The following GRIN2B variants were observed in gnomAD, a reference collection of about 807,000 sequenced individuals.
GRIN2B encodes the protein glutamate receptor ionotropic, NMDA 2B.
In GRIN2B, 5 loss-of-function variants were observed where a neutral mutation model predicts 114.5. The ratio of observed to expected loss-of-function variants is 0.04; its 90% CI spans 0.02 to 0.09. The LOEUF is 0.09. Among genes scored for constraint, GRIN2B ranks in the 10% least tolerant of loss-of-function variants. The pLI is 1.00. For missense variants in GRIN2B, 1,108 were observed against 1,943.5 expected (o/e 0.57, Z 8.08); for synonymous variants, 787 against 745.1 (o/e 1.06, Z -0.92).
intron 4 of GRIN2B, among the ~76,000 whole-genome samples, chr12:13,746,496 T>C (rs1229883902): frequency 1.3e-5 from 2 of 152,154 alleles, no homozygotes; most frequent in Admixed American, 6.5e-5. Flanking sequence ...TCCGTCTGTA[T>C]CTTCTTCCCC....
At chr12:13,784,223 CAAAAAAAAAAAAAAAAAAAAA>C (rs56197649) in intron 3 of GRIN2B, among the ~76,000 whole-genome samples, 3 of 71,910 alleles carry the variant, frequency 4.2e-5, no homozygotes, top group Non-Finnish European at 2.4e-5. Flanking sequence ...GACTTCGCCT[CAAAAAAAAAAAAAAAAAAAAA>C]AAAAAAAAAA....
intron 2 of GRIN2B, among the ~76,000 whole-genome samples, chr12:13,886,214 C>T (rs1386043103): frequency 1.3e-5 from 2 of 152,116 alleles, no homozygotes; most frequent in East Asian, 1.9e-4. Context: ...TAATATTTAC[C>T]GGTGTATGTA....
chr12:13,911,292 C>T (rs1866623809), intron 2 of GRIN2B, among the ~76,000 whole-genome samples: 1 of 152,086 alleles, frequency 6.6e-6, no homozygotes, highest in Non-Finnish European at 1.5e-5. Context: ...GTGCTTCAGC[C>T]AGAGGGGACT....
intron 2 of GRIN2B, among the ~76,000 whole-genome samples, chr12:13,936,070 T>A (rs536807727): frequency 1.1e-4 from 17 of 152,244 alleles, no homozygotes; most frequent in Admixed American, 5.9e-4. Context: ...GGGTGGATTA[T>A]TAGAGACACA....
intron 5 of GRIN2B, among the ~76,000 whole-genome samples, chr12:13,674,331 G>A (rs1340340292): frequency 6.6e-6 from 1 of 152,108 alleles, no homozygotes; most frequent in Non-Finnish European, 1.5e-5. Flanking sequence ...CTGCACTCTA[G>A]TCTGAGTGAC....
At chr12:13,805,639 GTGTACTACATGA>G (rs777970791) in intron 3 of GRIN2B, among the ~76,000 whole-genome samples, 27 of 152,156 alleles carry the variant, frequency 1.8e-4, no homozygotes, top group Non-Finnish European at 3.4e-4. Context: ...TGTATTTATA[GTGTACTACATGA>G]TGTTTTGATA....
intron 5 of GRIN2B, among the ~76,000 whole-genome samples, chr12:13,646,107 G>A (rs186459168): frequency 1.8e-4 from 28 of 152,250 alleles, no homozygotes; most frequent in African/African-American, 6.0e-4. Context: ...GAACAAAAAC[G>A]AAGAGCTGGA....
intron 2 of GRIN2B, among the ~76,000 whole-genome samples, chr12:13,868,994 A>G (rs1865866540): frequency 2.0e-5 from 3 of 152,204 alleles, no homozygotes; most frequent in South Asian, 2.1e-4. Flanking sequence ...CACAGAGACC[A>G]TAAGTCTTGA....
intron 3 of GRIN2B, among the ~76,000 whole-genome samples, chr12:13,755,415 C>A (rs549284196): frequency 1.3e-5 from 2 of 152,234 alleles, no homozygotes; most frequent in African/African-American, 4.8e-5. Flanking sequence ...ACAGGCTACC[C>A]AGAATGAAAC....
intron 2 of GRIN2B, among the ~76,000 whole-genome samples, chr12:13,883,379 C>T (rs1227405978): frequency 6.6e-6 from 1 of 152,158 alleles, no homozygotes; most frequent in Non-Finnish European, 1.5e-5. Flanking sequence ...AGCAGTTTCT[C>T]CACATTCTTA....
chr12:13,906,399 T>C (rs1866535135), intron 2 of GRIN2B, among the ~76,000 whole-genome samples: 1 of 152,206 alleles, frequency 6.6e-6, no homozygotes, highest in African/African-American at 2.4e-5. Context: ...TCTCATATCC[T>C]TATTTTACAG....
At chr12:13,846,424 G>A (rs1865474091) in intron 3 of GRIN2B, among the ~76,000 whole-genome samples, 1 of 152,072 alleles carries the variant, frequency 6.6e-6, no homozygotes, top group Admixed American at 6.5e-5. Flanking sequence ...AATCCTAGTT[G>A]TGAATAATTG....
In GRIN2B at chr12:13,648,813, A is replaced by G. The variant is rs1949787647; in HGVS notation, c.1125+26932T>C. Among the ~76,000 whole-genome samples the G allele has an allele frequency of 2.6e-5, 4 of 152,096 alleles. 1 individual carries two copies. In the South Asian group the frequency reaches 8.3e-4, roughly 32 times the overall value. ...GGAATACTAAATTACATGCTAAATT[A>G]AATACCTAAGAGGCATAGGAGCTGT... is the stretch of plus-strand genomic sequence containing the variant. On this transcript the variant is annotated intron_variant, in intron 5 of 13. Transcript: ENST00000609686.
rs1323132208 is a variant in GRIN2B at position 13,540,048 on chromosome 12, C to T, written c.*22735G>A. On this transcript the variant is annotated 3_prime_UTR_variant, in exon 14 of 14. Coordinates refer to ENST00000609686, the MANE Select transcript of GRIN2B (RefSeq NM_000834.5). Reference sequence around the variant, plus strand: ...TACATGAGGGGGAGATGAGTGTAACCAAGGGCTCCAGCACCAGCTATAGTA... The same window carrying T: ...TACATGAGGGGGAGATGAGTGTAACTAAGGGCTCCAGCACCAGCTATAGTA... The T allele has an allele frequency of 6.6e-6, 1 of 152,150 alleles. No homozygotes were observed. The highest frequency in any genetic ancestry group is 1.5e-5 in the Non-Finnish European group (1 of 68,036). 9.4% of individuals were successfully genotyped at this position (152,150 alleles called of 1,614,324 possible).
chr12:13,885,724 G>A (rs1423639489), intron 2 of GRIN2B, among the ~76,000 whole-genome samples: 1 of 152,212 alleles, frequency 6.6e-6, no homozygotes, highest in African/African-American at 2.4e-5. Flanking sequence ...GTATTCTGAA[G>A]TTTTAAATAG....
At chr12:13,807,288 T>A (rs1201930928) in intron 3 of GRIN2B, among the ~76,000 whole-genome samples, 2 of 152,158 alleles carry the variant, frequency 1.3e-5, no homozygotes, top group East Asian at 3.9e-4. Context: ...ATTCTCCTGA[T>A]GGAAATATTT....
intron 10 of GRIN2B, among the ~76,000 whole-genome samples, chr12:13,573,670 G>A (rs1244549445): frequency 1.3e-5 from 2 of 152,212 alleles, no homozygotes; most frequent in Non-Finnish European, 1.5e-5. Flanking sequence ...TCAAGTAATA[G>A]TACCATTTAC....
chr12:13,725,985 C>T (rs1230923639), intron 4 of GRIN2B, among the ~76,000 whole-genome samples: 7 of 152,262 alleles, frequency 4.6e-5, no homozygotes, highest in Non-Finnish European at 1.0e-4. Context: ...CAGAGCATTA[C>T]ATCACTTCCC....
intron 4 of GRIN2B, among the ~76,000 whole-genome samples, chr12:13,748,958 C>T (rs1863434455): frequency 6.6e-6 from 1 of 152,156 alleles, no homozygotes; most frequent in Admixed American, 6.5e-5. Flanking sequence ...TTTAACTTGG[C>T]TTAAGTATTT....
Sources: gnomAD v4.1 joint callset for allele counts (sites outside exome capture counted in the v4.1 genomes callset) on GRCh38, gnomAD v4.1.1 for gene constraint, MANE v1.5 for transcripts, NCBI Gene and HGNC (gene_info 2026-07-23, HGNC 2026-07-21) for gene names.